Variants in TESPA1 observed in about 807,000 individuals in gnomAD.
The protein encoded by TESPA1 is protein TESPA1.
In TESPA1, 33 loss-of-function variants were observed where a neutral mutation model predicts 57.9. That is an observed-to-expected ratio of 0.57 (90% CI 0.43 to 0.76). The LOEUF is 0.76. Among genes scored for constraint, TESPA1 ranks in the 30% least tolerant of loss-of-function variants. TESPA1 has a pLI of 0.00. For synonymous variants in TESPA1, 227 were observed against 228.9 expected (o/e 0.99, Z 0.07); for missense variants, 618 against 632.9 (o/e 0.98, Z 0.25).
intron 7 of TESPA1, among the ~76,000 whole-genome samples, chr12:54,965,164 C>T (rs2136120049): frequency 6.6e-6 from 1 of 152,228 alleles, no homozygotes; most frequent in Non-Finnish European, 1.5e-5. Flanking sequence ...AGCTATTTGT[C>T]CGCTTCATCT....
intron 3 of TESPA1, among the ~76,000 whole-genome samples, chr12:54,973,265 T>C (rs746610896): frequency 5.9e-5 from 9 of 152,174 alleles, no homozygotes; most frequent in Non-Finnish European, 1.2e-4. Flanking sequence ...CGTGCCTAAT[T>C]TAGTCTTAGC....
At chr12:54,973,974 T>C (rs1416342102) in intron 2 of TESPA1, 33 of 893,890 alleles carry the variant, frequency 3.7e-5, no homozygotes, top group Non-Finnish European at 4.3e-5. Context: ...AAGGTACTAC[T>C]ACTTCAATTG....
intron 3 of TESPA1, 138 bp from the exon 4 acceptor site, chr12:54,968,030 A>G (rs1951557464): frequency 6.5e-7 from 1 of 1,530,504 alleles, no homozygotes; most frequent in Non-Finnish European, 8.8e-7. Context: ...TGTTGGAGAA[A>G]ACAAAGACAG....
In TESPA1 at chr12:54,973,506, A is replaced by G. The variant is rs558998915; in HGVS notation, c.177T>C (p.Asn59=). The G allele has an allele frequency of 1.2e-6, 2 of 1,613,984 alleles. No individual in the cohort carries two copies. Among genetic ancestry groups the G allele is most frequent in the Admixed American group, 1.7e-5 (1 of 60,032 alleles). The change falls in exon 3 of 11, where the codon AAT becomes AAC. Residue 59 remains asparagine, a synonymous_variant. Transcript: ENST00000449076. ...AATCCTGCAGCCAGTCTTCAATTTT[A>G]TTGATTGGATTCCCTAGAAAAGTCA... ...DDVFQEGNPI[N]KIEDWLQDCG... is the part of the protein sequence containing the mutation.
Position 54,962,647 on chromosome 12 carries a change from T to C in TESPA1, c.1251A>G (p.Pro417=). 6.2e-7 allele frequency: 1 copy of C among 1,613,978 alleles called. No individual in the cohort carries two copies. The highest frequency in any genetic ancestry group is 8.5e-7 in the Non-Finnish European group (1 of 1,179,884). Residue 417 remains proline (P), a synonymous_variant, in exon 9 of 11, where the codon CCA becomes CCG. Coordinates refer to ENST00000449076, the MANE Select transcript of TESPA1 (RefSeq NM_001136030.3). ...CTGGATGGGTTTCCGTATTGGTGGC[T>C]GGTAGACTACACAGCTCTCTCCTTA... is the stretch of plus-strand genomic sequence containing the variant. ...AQIRRELCSL[P]ATNTETHPAK...
At chr12:54,969,013 T>TTA (rs1398525287) in intron 3 of TESPA1, among the ~76,000 whole-genome samples, 1 of 76,704 alleles carries the variant, frequency 1.3e-5, no homozygotes, top group Non-Finnish European at 2.1e-5. Context: ...CACTACATAT[T>TTA]TATATATGTA....
chr12:54,983,854 G>A (rs1210935828), intron 1 of TESPA1: 1 of 152,184 alleles, frequency 6.6e-6, no homozygotes, highest in Admixed American at 6.5e-5. Context: ...GGTGTTGGAG[G>A]AGCATGAAGC....
chr12:54,967,274 A>G, intron 4 of TESPA1, 38 bp from the exon 5 acceptor site: 1 of 1,606,536 alleles, frequency 6.2e-7, no homozygotes, highest in Non-Finnish European at 8.5e-7. Flanking sequence ...GAAAACCAGG[A>G]TGGAACATAT....
chr12:54,950,782 G>GT (rs1250316666), intron 10 of TESPA1, among the ~76,000 whole-genome samples: 1 of 151,988 alleles, frequency 6.6e-6, no homozygotes, highest in Non-Finnish European at 1.5e-5. Context: ...TATTTCTCTT[G>GT]TTTTTTCTAC....
Position 54,982,374 on chromosome 12 carries a change from A to G in TESPA1, c.-46+2211T>C, listed in dbSNP as rs1016340234. Among the ~76,000 whole-genome samples the G allele has an allele frequency of 6.1e-4, 93 of 152,350 alleles. 1 individual carries two copies. Among genetic ancestry groups the G allele is most frequent in the African/African-American group, 2.0e-3 (85 of 41,570 alleles). On this transcript the variant is annotated intron_variant, in intron 1 of 10. Transcript: ENST00000449076. ...ACTTGGTAAATAACAGAAAGAAAAA[A>G]TGCCCATTAGTCAATAGAACTCCTA... is the stretch of plus-strand genomic sequence containing the variant.
chr12:54,979,434 C>T (rs1952237384), intron 1 of TESPA1, among the ~76,000 whole-genome samples: 1 of 152,180 alleles, frequency 6.6e-6, no homozygotes, highest in African/African-American at 2.4e-5. Flanking sequence ...TTGCCTGAAT[C>T]CGCCCAAACC....
chr12:54,979,811 G>A (rs1035942408), intron 1 of TESPA1, among the ~76,000 whole-genome samples: 1 of 152,196 alleles, frequency 6.6e-6, no homozygotes, highest in African/African-American at 2.4e-5. Flanking sequence ...CCTATTTCTA[G>A]TCTCTGTTTT....
At chr12:54,970,413 G>C (rs1462698604) in intron 3 of TESPA1, among the ~76,000 whole-genome samples, 2 of 152,094 alleles carry the variant, frequency 1.3e-5, no homozygotes, top group East Asian at 3.9e-4. Flanking sequence ...TGTATTCATT[G>C]GATACAAGTT....
At chr12:54,978,579 G>A (rs964794824) in intron 1 of TESPA1, among the ~76,000 whole-genome samples, 1 of 152,130 alleles carries the variant, frequency 6.6e-6, no homozygotes. Flanking sequence ...AACATATGGA[G>A]CTCCTGCACA....
rs759815137 is a variant in TESPA1 at position 54,963,755 on chromosome 12, G to A, written c.642C>T (p.Cys214=). The change falls in exon 8 of 11, where the codon TGC becomes TGT. Residue 214 remains cysteine (C), a synonymous_variant. Coordinates refer to ENST00000449076, the MANE Select transcript of TESPA1 (RefSeq NM_001136030.3). ...QVRRIEMEDP[C]LMLASRFKQV... ...AGGGACACTCACTGGCCAGCATGAG[G>A]CAGGGGTCTTCCATTTCAATCCTCC... is the stretch of plus-strand genomic sequence containing the variant. The A allele has an allele frequency of 4.1e-5, 66 of 1,612,466 alleles. No homozygotes were observed. The highest frequency in any genetic ancestry group is 6.7e-5 in the Admixed American group (4 of 59,922).
chr12:54,975,802 A>G (rs1288107744), intron 1 of TESPA1, among the ~76,000 whole-genome samples: 4 of 152,252 alleles, frequency 2.6e-5, no homozygotes, highest in Non-Finnish European at 4.4e-5. Flanking sequence ...GCATTAAAAT[A>G]GCTTTTTTGA....
At chr12:54,964,051 T>G (rs1485454241) in intron 7 of TESPA1, 101 bp from the exon 8 acceptor site, 26 of 1,182,432 alleles carry the variant, frequency 2.2e-5, no homozygotes, top group Non-Finnish European at 3.0e-5. Flanking sequence ...CTGAAATTCT[T>G]TTCTGTCCAT....
intron 9 of TESPA1, among the ~76,000 whole-genome samples, chr12:54,962,147 G>C (rs1951117448): frequency 1.3e-5 from 2 of 152,166 alleles, no homozygotes; most frequent in African/African-American, 4.8e-5. Flanking sequence ...ATCTCATGAG[G>C]ACCACAACAA....
rs1444939793 is a variant in TESPA1 at position 54,971,490 on chromosome 12, A to G, written c.206+1987T>C. ...TTACACACTTAAACAGAATTAGAAA[A>G]CAGAGGAAATTGGAAAATGTTCTGA... is the stretch of plus-strand genomic sequence containing the variant. On this transcript the variant is annotated intron_variant, in intron 3 of 10. Coordinates refer to ENST00000449076, the MANE Select transcript of TESPA1 (RefSeq NM_001136030.3). Among the ~76,000 whole-genome samples the G allele has an allele frequency of 2.6e-5, 4 of 151,894 alleles. No homozygotes were observed. The South Asian group carries it at 8.3e-4, about 31-fold the overall frequency.
Sources: gnomAD v4.1 joint callset for allele counts (sites outside exome capture counted in the v4.1 genomes callset) on GRCh38, gnomAD v4.1.1 for gene constraint, MANE v1.5 for transcripts, NCBI Gene and HGNC (gene_info 2026-07-23, HGNC 2026-07-21) for gene names.